The following HECW1 variants were observed in gnomAD, a reference collection of about 807,000 sequenced individuals.
The protein encoded by HECW1 is E3 ubiquitin-protein ligase HECW1.
Under a neutral mutation model 182.3 loss-of-function variants are expected in HECW1, and 61 were observed. The ratio of observed to expected loss-of-function variants is 0.33; its 90% confidence interval spans 0.27 to 0.41. The LOEUF is 0.41. Ranked by LOEUF, HECW1 falls within the 10% of genes least tolerant of loss-of-function variation. The pLI is 1.00. For missense variants in HECW1, 1,739 were observed against 2,108.9 expected (o/e 0.82, Z 3.44); for synonymous variants, 859 against 832.6 (o/e 1.03, Z -0.55).
At chr7:43,233,060 T>C (rs1798019526) in intron 2 of HECW1, among the ~76,000 whole-genome samples, 1 of 152,200 alleles carries the variant, frequency 6.6e-6, no homozygotes, top group South Asian at 2.1e-4. Flanking sequence ...TTGACTGACA[T>C]ATAGAGACTG....
At chr7:43,343,029 GA>G (rs201436117) in intron 5 of HECW1, among the ~76,000 whole-genome samples, 49,548 of 146,772 alleles carry the variant, frequency 0.34, 9,286 homozygotes, top group East Asian at 0.47. Flanking sequence ...CATCTCAAAA[GA>G]AAAAAAAAAA....
chr7:43,324,039 A>G (rs1810469092), intron 5 of HECW1, among the ~76,000 whole-genome samples: 5 of 111,908 alleles, frequency 4.5e-5, no homozygotes, highest in African/African-American at 2.1e-4. Context: ...TATCTCAAAA[A>G]AGAAAAAAAA....
At chr7:43,488,494 G>GAAAA (rs1563046909) in intron 17 of HECW1, among the ~76,000 whole-genome samples, 3 of 144,240 alleles carry the variant, frequency 2.1e-5, no homozygotes, top group Non-Finnish European at 3.1e-5. Flanking sequence ...GAAAGAGAAA[G>GAAAA]AAAGAAAGAA....
intron 12 of HECW1, among the ~76,000 whole-genome samples, chr7:43,452,979 C>T (rs2077283329): frequency 6.6e-6 from 1 of 152,212 alleles, no homozygotes; most frequent in Non-Finnish European, 1.5e-5. Context: ...AGGGAGAAGG[C>T]AGCAGGTGAT....
chr7:43,488,546 G>A (rs2078809501), intron 17 of HECW1, among the ~76,000 whole-genome samples: 1 of 152,204 alleles, frequency 6.6e-6, no homozygotes. Flanking sequence ...TTGGCATCAT[G>A]TTTGCAGTGA....
At chr7:43,473,062 G>C (rs1171318198) in intron 16 of HECW1, among the ~76,000 whole-genome samples, 3 of 152,206 alleles carry the variant, frequency 2.0e-5, no homozygotes, top group African/African-American at 7.2e-5. Context: ...CCCTCAGGAA[G>C]AACTGGTGCC....
intron 2 of HECW1, among the ~76,000 whole-genome samples, chr7:43,135,775 G>A (rs1158686644): frequency 2.0e-5 from 3 of 151,990 alleles, no homozygotes; most frequent in African/African-American, 7.2e-5. Context: ...TAATTTTCAT[G>A]CTGGAAAGAT....
At chr7:43,294,756 A>G (rs1014388051) in intron 3 of HECW1, among the ~76,000 whole-genome samples, 1 of 152,108 alleles carries the variant, frequency 6.6e-6, no homozygotes, top group Non-Finnish European at 1.5e-5. Flanking sequence ...TTGTCCCCAT[A>G]AACCAGAAAG....
intron 3 of HECW1, among the ~76,000 whole-genome samples, chr7:43,264,688 C>T (rs1368179332): frequency 2.6e-5 from 4 of 151,840 alleles, no homozygotes; most frequent in Non-Finnish European, 5.9e-5. Flanking sequence ...ACTAAAAATA[C>T]AAAAAATTAG....
chr7:43,470,620 C>T (rs1489000972), intron 16 of HECW1, among the ~76,000 whole-genome samples: 2 of 152,194 alleles, frequency 1.3e-5, no homozygotes, highest in Admixed American at 6.5e-5. Flanking sequence ...TCTGACAAGA[C>T]CTCTTCCCCC....
At chr7:43,521,784 G>A (rs2080488529) in intron 24 of HECW1, among the ~76,000 whole-genome samples, 1 of 152,244 alleles carries the variant, frequency 6.6e-6, no homozygotes, top group Non-Finnish European at 1.5e-5. Context: ...GCTAAGGCAG[G>A]AGAATCGCTT....
At chr7:43,251,087 G>A (rs1435364938) in intron 3 of HECW1, among the ~76,000 whole-genome samples, 2 of 152,182 alleles carry the variant, frequency 1.3e-5, no homozygotes, top group African/African-American at 4.8e-5. Flanking sequence ...CCCTGTGGAT[G>A]CTTCCTCCTC....
chr7:43,207,159 G>A (rs1795553748), intron 2 of HECW1, among the ~76,000 whole-genome samples: 1 of 152,106 alleles, frequency 6.6e-6, no homozygotes, highest in African/African-American at 2.4e-5. Context: ...CAATTATCCT[G>A]CCTCAGCCTA....
intron 2 of HECW1, among the ~76,000 whole-genome samples, chr7:43,206,270 T>TGC (rs1795467254): frequency 6.6e-6 from 1 of 152,158 alleles, no homozygotes; most frequent in African/African-American, 2.4e-5. Context: ...GCAGCTGATC[T>TGC]GCCACGGAGT....
At chr7:43,286,844 G>A (rs1804703276) in intron 3 of HECW1, among the ~76,000 whole-genome samples, 1 of 152,202 alleles carries the variant, frequency 6.6e-6, no homozygotes. Context: ...TTTTGTTGAA[G>A]CACCCTGAAC....
At chr7:43,407,399 G>C (rs1037173373) in intron 7 of HECW1, among the ~76,000 whole-genome samples, 163 bp from the exon 8 acceptor site, 4 of 151,886 alleles carry the variant, frequency 2.6e-5, no homozygotes, top group Non-Finnish European at 5.9e-5. Flanking sequence ...ACGTTTCCTG[G>C]GGTGACCCTC....
At chr7:43,463,024 C>T (rs538733389) in intron 13 of HECW1, among the ~76,000 whole-genome samples, 1 of 152,324 alleles carries the variant, frequency 6.6e-6, no homozygotes, top group Admixed American at 6.5e-5. Context: ...TCTCTTCCAT[C>T]TGAAAGTCCA....
chr7:43,344,017 G>A (rs576186510), intron 5 of HECW1, among the ~76,000 whole-genome samples: 1 of 151,982 alleles, frequency 6.6e-6, no homozygotes, highest in East Asian at 1.9e-4. Flanking sequence ...GTGATGAAGA[G>A]CATTTCTTCG....
At chr7:43,143,501 G>A (rs901834115) in intron 2 of HECW1, among the ~76,000 whole-genome samples, 4 of 151,770 alleles carry the variant, frequency 2.6e-5, no homozygotes. Context: ...ACCCAGGCTC[G>A]TCTTGAACTC....
Sources: gnomAD v4.1 joint callset for allele counts (sites outside exome capture counted in the v4.1 genomes callset) on GRCh38, gnomAD v4.1.1 for gene constraint, MANE v1.5 for transcripts, NCBI Gene and HGNC (gene_info 2026-07-23, HGNC 2026-07-21) for gene names.